DLG2: variants seen among roughly 807,000 people sequenced by gnomAD.
The protein encoded by DLG2 is discs large MAGUK scaffold protein 2.
Under a neutral mutation model 132.5 loss-of-function variants are expected in DLG2, and 45 were observed. The ratio of observed to expected loss-of-function variants is 0.34; its 90% CI spans 0.27 to 0.44. DLG2 has a LOEUF of 0.44. Among genes scored for constraint, DLG2 ranks in the 20% least tolerant of loss-of-function variants. The pLI is 1.00. For synonymous variants in DLG2, 424 were observed against 419.6 expected (o/e 1.01, Z -0.13); for missense variants, 1,045 against 1,196.9 (o/e 0.87, Z 1.87).
intron 11 of DLG2, 129 bp downstream of exon 11, chr11:84,059,186 T>C (rs1382320776): frequency 3.5e-6 from 3 of 846,118 alleles, no homozygotes; most frequent in Admixed American, 2.8e-5. Flanking sequence ...ACCACTACTG[T>C]AGGATTTTAA....
chr11:84,580,825 C>T (rs148391393), intron 6 of DLG2, among the ~76,000 whole-genome samples: 59 of 152,320 alleles, frequency 3.9e-4, no homozygotes, highest in African/African-American at 1.1e-3. Flanking sequence ...AGGGGTCAGA[C>T]GCTTCTTTTA....
intron 8 of DLG2, among the ~76,000 whole-genome samples, chr11:84,192,014 C>T (rs139656942): frequency 0.01 from 1,430 of 138,280 alleles, 17 homozygotes; most frequent in Non-Finnish European, 0.017. Context: ...TCTAATAGCA[C>T]TATACAGATT....
intron 19 of DLG2, among the ~76,000 whole-genome samples, chr11:83,589,723 A>G (rs1279197649): frequency 2.0e-5 from 3 of 151,596 alleles, no homozygotes; most frequent in Admixed American, 6.6e-5. Context: ...AAGACCCAGC[A>G]GTGTGCTGTA....
At chr11:84,011,909 C>T (rs1254140530) in intron 11 of DLG2, among the ~76,000 whole-genome samples, 1 of 152,008 alleles carries the variant, frequency 6.6e-6, no homozygotes, top group Non-Finnish European at 1.5e-5. Context: ...TAAAAAATTA[C>T]ATGTGTTTCA....
intron 8 of DLG2, among the ~76,000 whole-genome samples, chr11:84,218,521 T>G (rs954246512): frequency 6.6e-6 from 1 of 152,164 alleles, no homozygotes; most frequent in African/African-American, 2.4e-5. Flanking sequence ...CATTGGAATT[T>G]GAGCAAAAGA....
At chr11:85,356,971 C>A (rs2083749505) in intron 3 of DLG2, among the ~76,000 whole-genome samples, 1 of 152,080 alleles carries the variant, frequency 6.6e-6, no homozygotes, top group South Asian at 2.1e-4. Flanking sequence ...CTTCTGGGTT[C>A]TTATGTCAGT....
chr11:83,780,042 G>A (rs991071455), intron 18 of DLG2, among the ~76,000 whole-genome samples: 2 of 152,114 alleles, frequency 1.3e-5, no homozygotes, highest in African/African-American at 4.8e-5. Flanking sequence ...TCCACAGCTG[G>A]ACTTTAAAAA....
At chr11:84,520,688 G>A (rs1028185250) in intron 7 of DLG2, among the ~76,000 whole-genome samples, 2 of 152,138 alleles carry the variant, frequency 1.3e-5, no homozygotes, top group Non-Finnish European at 2.9e-5. Context: ...GAGAAAAAGA[G>A]GGTGGAATGG....
At chr11:83,655,245 A>G (rs560377137) in intron 18 of DLG2, among the ~76,000 whole-genome samples, 2 of 152,354 alleles carry the variant, frequency 1.3e-5, no homozygotes, top group South Asian at 4.1e-4. Context: ...ATAAATAGAT[A>G]TTTATTGAAT....
At chr11:85,357,332 A>T (rs552239160) in intron 3 of DLG2, among the ~76,000 whole-genome samples, 15 of 147,716 alleles carry the variant, frequency 1.0e-4, no homozygotes, top group African/African-American at 3.0e-4. Context: ...AGCTGGGACT[A>T]CAGGTGCCCG....
intron 5 of DLG2, among the ~76,000 whole-genome samples, chr11:85,143,745 CTCT>C (rs1340461443): frequency 2.0e-5 from 3 of 151,562 alleles, no homozygotes; most frequent in African/African-American, 4.8e-5. Flanking sequence ...TCCAAAGTTC[CTCT>C]TCTTATTGAT....
intron 15 of DLG2, among the ~76,000 whole-genome samples, chr11:83,908,684 T>C (rs931320174): frequency 6.6e-6 from 1 of 152,182 alleles, no homozygotes; most frequent in African/African-American, 2.4e-5. Context: ...TTAAAGATTA[T>C]TGCACATGAC....
At chr11:83,922,148 G>A (rs1310524345) in intron 15 of DLG2, among the ~76,000 whole-genome samples, 4 of 151,978 alleles carry the variant, frequency 2.6e-5, no homozygotes, top group Non-Finnish European at 4.4e-5. Context: ...ATATCTTCCC[G>A]CTAGTATCAA....
intron 3 of DLG2, among the ~76,000 whole-genome samples, chr11:85,501,726 C>T (rs563699280): frequency 6.6e-6 from 1 of 152,122 alleles, no homozygotes; most frequent in South Asian, 2.1e-4. Context: ...TAGATACCAT[C>T]TCACACCAGT....
chr11:83,801,050 A>T (rs1339306738), intron 17 of DLG2, among the ~76,000 whole-genome samples: 2 of 152,062 alleles, frequency 1.3e-5, no homozygotes, highest in African/African-American at 4.8e-5. Context: ...TCTCCCAAAC[A>T]TGTTTCTCGA....
At chr11:84,630,086 C>T (rs1478449829) in intron 6 of DLG2, among the ~76,000 whole-genome samples, 1 of 152,078 alleles carries the variant, frequency 6.6e-6, no homozygotes, top group African/African-American at 2.4e-5. Flanking sequence ...CCTTGGTCTA[C>T]CTAAGAAGGA....
intron 11 of DLG2, among the ~76,000 whole-genome samples, chr11:83,995,129 G>A (rs1229588807): frequency 1.3e-5 from 2 of 151,880 alleles, no homozygotes; most frequent in Non-Finnish European, 2.9e-5. Context: ...ATCTTTTTCA[G>A]GGACGCAATT....
intron 3 of DLG2, among the ~76,000 whole-genome samples, chr11:85,339,668 A>G (rs185346072): frequency 6.6e-6 from 1 of 152,272 alleles, no homozygotes; most frequent in Admixed American, 6.5e-5. Flanking sequence ...TATATTTTTC[A>G]AAAATTTTTA....
intron 7 of DLG2, among the ~76,000 whole-genome samples, chr11:84,344,752 A>G (rs2098531674): frequency 6.6e-6 from 1 of 152,204 alleles, no homozygotes; most frequent in Admixed American, 6.5e-5. Flanking sequence ...ATAGATATCC[A>G]GGTTATTACT....
Sources: gnomAD v4.1 joint callset for allele counts (sites outside exome capture counted in the v4.1 genomes callset) on GRCh38, gnomAD v4.1.1 for gene constraint, MANE v1.5 for transcripts, NCBI Gene and HGNC (gene_info 2026-07-23, HGNC 2026-07-21) for gene names.